PRKN: variants seen among roughly 807,000 people sequenced by gnomAD.
The protein encoded by PRKN is E3 ubiquitin-protein ligase parkin.
Under a neutral mutation model 59.5 loss-of-function variants are expected in PRKN, and 56 were observed. The observed-to-expected ratio is 0.94, with a 90% CI of 0.76 to 1.18. The LOEUF is 1.18. PRKN is among the 50% of genes most tolerant of loss of function. The probability of loss-of-function intolerance (pLI) is 0.00; values close to 1 mark genes in which losing one functional copy is unlikely to be tolerated. For synonymous variants in PRKN, 250 were observed against 222.1 expected (o/e 1.13, Z -1.12); for missense variants, 657 against 596.4 (o/e 1.10, Z -1.06).
intron 9 of PRKN, among the ~76,000 whole-genome samples, chr6:161,528,626 C>T (rs1361879896): frequency 6.6e-6 from 1 of 152,200 alleles, no homozygotes; most frequent in African/African-American, 2.4e-5. Context: ...CACACCCATA[C>T]TTTTAACGTC....
rs537740952 is a variant in PRKN at position 162,116,074 on chromosome 6, A to G, written c.535-61900T>C. 2.0e-5 allele frequency among the ~76,000 whole-genome samples: 3 copies of G among 152,332 alleles called. No homozygotes were observed. In the South Asian group the frequency reaches 6.2e-4, roughly 32 times the overall value. On this transcript the variant is annotated intron_variant, in intron 4 of 11. Coordinates refer to ENST00000366898, the MANE Select transcript of PRKN (RefSeq NM_004562.3). ...AATAAGAATCCCTCCTTATTTGCAGATCAAATTTACCCTTCAGCAAACTTC... is the reference window on the plus strand; with the variant it reads ...AATAAGAATCCCTCCTTATTTGCAGGTCAAATTTACCCTTCAGCAAACTTC...
chr6:162,479,734 C>T (rs1792198830), intron 1 of PRKN, among the ~76,000 whole-genome samples: 1 of 149,858 alleles, frequency 6.7e-6, no homozygotes, highest in African/African-American at 2.4e-5. Flanking sequence ...AAGGACCTGC[C>T]TGAGGCTGTT....
At chr6:161,871,044 G>A (rs1794320726) in intron 6 of PRKN, among the ~76,000 whole-genome samples, 1 of 151,816 alleles carries the variant, frequency 6.6e-6, no homozygotes, top group Non-Finnish European at 1.5e-5. Context: ...AGAGGAGGAG[G>A]AGGATGAGGA....
chr6:161,801,912 T>C (rs1791099272), intron 6 of PRKN, among the ~76,000 whole-genome samples: 1 of 152,180 alleles, frequency 6.6e-6, no homozygotes, highest in African/African-American at 2.4e-5. Flanking sequence ...CTGGTTTTCA[T>C]TCCTTCATTC....
At chr6:162,418,613 A>AGTGTGTGTGTGTGTGTGTGTGT (rs140621171) in intron 2 of PRKN, among the ~76,000 whole-genome samples, 4,740 of 126,180 alleles carry the variant, frequency 0.038, 198 homozygotes, top group East Asian at 0.068. Flanking sequence ...AGGGACAGAC[A>AGTGTGTGTGTGTGTGTGTGTGT]GTGTGTGTGT....
At chr6:162,270,712 C>A (rs1326364110) in intron 2 of PRKN, 1 of 152,154 alleles carries the variant, frequency 6.6e-6, no homozygotes, top group Non-Finnish European at 1.5e-5. Flanking sequence ...AACATTTTTA[C>A]ATTGAGTTCT....
At chr6:161,800,330 T>C (rs552015675) in intron 6 of PRKN, among the ~76,000 whole-genome samples, 4 of 152,274 alleles carry the variant, frequency 2.6e-5, no homozygotes, top group African/African-American at 9.6e-5. Flanking sequence ...TTCTCGCTTT[T>C]TAGGAAATCT....
chr6:161,945,684 T>G (rs1278058457), intron 6 of PRKN, among the ~76,000 whole-genome samples: 2 of 152,232 alleles, frequency 1.3e-5, no homozygotes. Flanking sequence ...TGCTCATTCT[T>G]CACCATCACT....
intron 4 of PRKN, among the ~76,000 whole-genome samples, chr6:162,127,199 G>A (rs920615213): frequency 6.6e-6 from 1 of 152,204 alleles, no homozygotes; most frequent in Non-Finnish European, 1.5e-5. Flanking sequence ...TTCGTACCAA[G>A]TTGCAAAGGC....
In PRKN at chr6:162,024,792, C is replaced by T. The variant is rs1442470495; in HGVS notation, c.618+29299G>A. 3.3e-5 allele frequency among the ~76,000 whole-genome samples: 5 copies of T among 152,030 alleles called. No homozygotes were observed. In the East Asian group the frequency reaches 5.8e-4, roughly 18 times the overall value. Reference sequence around the variant, plus strand: ...ACCTAAGAATGAATTTTGAGTTCATCGAAGACCTGAAGTATTTGCAAAAAC... The same window carrying T: ...ACCTAAGAATGAATTTTGAGTTCATTGAAGACCTGAAGTATTTGCAAAAAC... On this transcript the variant is annotated intron_variant, in intron 5 of 11. Coordinates refer to ENST00000366898, the MANE Select transcript of PRKN (RefSeq NM_004562.3).
chr6:161,528,553 C>T (rs1406244477), intron 9 of PRKN, among the ~76,000 whole-genome samples: 2 of 152,084 alleles, frequency 1.3e-5, no homozygotes, highest in African/African-American at 4.8e-5. Flanking sequence ...CAACTGTGTC[C>T]AAGTGGAAAT....
intron 7 of PRKN, among the ~76,000 whole-genome samples, chr6:161,709,468 C>T (rs1786651221): frequency 6.6e-6 from 1 of 152,048 alleles, no homozygotes; most frequent in South Asian, 2.1e-4. Flanking sequence ...TTGTAAAGTA[C>T]CAAAGTCTGA....
chr6:161,429,036 G>A lies in PRKN; in HGVS notation c.1084-42159C>T, dbSNP rs79021974. Among the ~76,000 whole-genome samples the A allele has an allele frequency of 8.2e-3, 1,243 of 152,312 alleles. 21 individuals carry two copies. The highest frequency in any genetic ancestry group is 0.029 in the African/African-American group (1,191 of 41,560). ...GTTTTGCTCATGTCCAAGAGATAAC[G>A]TAAGATGTTCCTGAAGCTAAACTTC... On this transcript the variant is annotated intron_variant, in intron 9 of 11. Transcript: ENST00000366898. The surrounding 1 kb of genome is among the most constrained non-coding windows in gnomAD (Gnocchi z 4.2).
chr6:162,650,080 A>G (rs779073201), intron 1 of PRKN, among the ~76,000 whole-genome samples: 1 of 152,204 alleles, frequency 6.6e-6, no homozygotes, highest in East Asian at 1.9e-4. Context: ...GATTGCTAAA[A>G]GTGACTTTAG....
At chr6:161,474,410 T>G (rs1159105765) in intron 9 of PRKN, among the ~76,000 whole-genome samples, 1 of 152,186 alleles carries the variant, frequency 6.6e-6, no homozygotes. Context: ...GGATGGGAAT[T>G]AATTATATAT....
intron 6 of PRKN, among the ~76,000 whole-genome samples, chr6:161,871,605 A>G (rs1794344405): frequency 6.6e-6 from 1 of 152,192 alleles, no homozygotes; most frequent in Non-Finnish European, 1.5e-5. Context: ...AGGGAACTGG[A>G]CCAGCCAGAG....
chr6:162,560,853 C>CAAAAAAGAAAAAAA (rs1779804732), intron 1 of PRKN, among the ~76,000 whole-genome samples: 1 of 56,506 alleles, frequency 1.8e-5, no homozygotes, highest in Non-Finnish European at 3.1e-5. Flanking sequence ...GAGAGAGAGG[C>CAAAAAAGAAAAAAA]AAAAAAAAAA....
intron 4 of PRKN, among the ~76,000 whole-genome samples, chr6:162,119,292 G>A (rs1278739772): frequency 6.6e-6 from 1 of 152,150 alleles, no homozygotes; most frequent in Non-Finnish European, 1.5e-5. Flanking sequence ...AAATCAAGGG[G>A]CCTCGGGATG....
intron 1 of PRKN, among the ~76,000 whole-genome samples, chr6:162,513,162 C>G (rs1777701754): frequency 6.6e-6 from 1 of 152,068 alleles, no homozygotes; most frequent in South Asian, 2.1e-4. Flanking sequence ...GAGGAAGCAG[C>G]ATGACCAAGG....
Sources: allele counts gnomAD v4.1 joint callset (sites outside exome capture counted in the v4.1 genomes callset), GRCh38; gene constraint gnomAD v4.1.1; non-coding constraint Gnocchi (gnomAD v3.1); transcripts MANE v1.5; gene names NCBI Gene and HGNC (gene_info 2026-07-23, HGNC 2026-07-21).